Variants in ZNF516 observed in about 807,000 individuals in gnomAD.
The protein encoded by ZNF516 is zinc finger protein 516.
A neutral mutation model predicts 79.7 loss-of-function variants in ZNF516; 19 were observed. That is an observed-to-expected ratio of 0.24 (90% CI 0.17 to 0.35). The LOEUF (loss-of-function observed/expected upper bound fraction) is 0.35. ZNF516 is among the 10% of genes least tolerant of loss of function. The pLI is 1.00. For synonymous variants in ZNF516, 877 were observed against 739.5 expected (o/e 1.19, Z -3.02); for missense variants, 1,678 against 1,679.5 (o/e 1.00, Z 0.02).
At chr18:76,378,511 C>T (rs607334) in intron 4 of ZNF516, among the ~76,000 whole-genome samples, 6,395 of 152,302 alleles carry the variant, frequency 0.042, 249 homozygotes, top group African/African-American at 0.11. Flanking sequence ...AGTGCAATCA[C>T]GTCGGCCTGC....
rs914616541 is a variant in ZNF516, at chr18:76,410,416, T to C, written c.1811-30113A>G. 1.2e-4 allele frequency among the ~76,000 whole-genome samples: 19 copies of C among 152,342 alleles called. No homozygotes were observed. The East Asian group carries it at 3.7e-3, about 29-fold the overall frequency. The stretch of plus-strand genomic sequence containing the variant: ...CTTTCAGCACAAAGAAAACAGCTCC[T>C]GAGATGGGTTGATTCTGTCATTCTG... On this transcript the variant is annotated intron_variant, in intron 3 of 6. Coordinates refer to ENST00000443185, the MANE Select transcript of ZNF516 (RefSeq NM_014643.4).
intron 3 of ZNF516, among the ~76,000 whole-genome samples, chr18:76,401,616 C>T (rs1010778754): frequency 7.3e-5 from 11 of 151,636 alleles, no homozygotes; most frequent in Non-Finnish European, 1.2e-4. Context: ...CCCGCATGGG[C>T]CCCTATGTGG....
chr18:76,494,715 T>G (rs2145854140), intron 1 of ZNF516, among the ~76,000 whole-genome samples: 1 of 151,786 alleles, frequency 6.6e-6, no homozygotes, highest in South Asian at 2.1e-4. Context: ...AGCCGGAGCG[T>G]TTTACTTTAA....
chr18:76,425,338 T>C (rs535059719), intron 3 of ZNF516, among the ~76,000 whole-genome samples: 18 of 152,222 alleles, frequency 1.2e-4, no homozygotes, highest in Non-Finnish European at 2.5e-4. Context: ...AGAATGGTGA[T>C]TGGCCACGGA....
At chr18:76,403,772 CCTT>C (rs2075262907) in intron 3 of ZNF516, among the ~76,000 whole-genome samples, 1 of 152,204 alleles carries the variant, frequency 6.6e-6, no homozygotes, top group Non-Finnish European at 1.5e-5. Context: ...AAGGGCCTCA[CCTT>C]CTCCTATTGA....
At chr18:76,443,316 C>T in intron 2 of ZNF516, 105 bp from the exon 3 acceptor site, 1 of 467,460 alleles carries the variant, frequency 2.1e-6, no homozygotes, top group Non-Finnish European at 3.7e-6. Context: ...ATCCAACCCA[C>T]ATTAAGAAAA....
intron 3 of ZNF516, among the ~76,000 whole-genome samples, chr18:76,438,307 C>CATACAGGAAACACTAAGGAA (rs2075771417): frequency 6.6e-6 from 1 of 152,224 alleles, no homozygotes; most frequent in South Asian, 2.1e-4. Context: ...CCTTGCAAAG[C>CATACAGGAAACACTAAGGAA]AATATTCGTT....
chr18:76,384,477 C>T (rs1456750867), intron 3 of ZNF516, among the ~76,000 whole-genome samples: 1 of 127,484 alleles, frequency 7.8e-6, no homozygotes, highest in Non-Finnish European at 1.7e-5. Context: ...ACGACCCGCA[C>T]ACCTTTCTCC....
chr18:76,383,677 C>T (rs559413050), intron 3 of ZNF516, among the ~76,000 whole-genome samples: 89 of 152,338 alleles, frequency 5.8e-4, no homozygotes, highest in Middle Eastern at 3.4e-3. Context: ...TTCCCCGGAC[C>T]CTCTTCTGAC....
intron 1 of ZNF516, among the ~76,000 whole-genome samples, chr18:76,488,801 G>C (rs1004756777): frequency 6.6e-6 from 1 of 152,124 alleles, no homozygotes; most frequent in Non-Finnish European, 1.5e-5. Context: ...AATTTGGCCA[G>C]CTGAAAACCA....
intron 2 of ZNF516, among the ~76,000 whole-genome samples, chr18:76,455,781 G>A (rs1013996896): frequency 7.2e-5 from 11 of 152,154 alleles, no homozygotes; most frequent in East Asian, 5.8e-4. Context: ...CACGTGACAC[G>A]CTACACAGAG....
chr18:76,473,766 A>G (rs935523058), intron 1 of ZNF516, among the ~76,000 whole-genome samples: 2 of 151,506 alleles, frequency 1.3e-5, no homozygotes, highest in Non-Finnish European at 2.9e-5. Flanking sequence ...GCACCACTGC[A>G]CTCCAGCCTG....
chr18:76,488,933 A>G (rs925174355), intron 1 of ZNF516, among the ~76,000 whole-genome samples: 1 of 152,240 alleles, frequency 6.6e-6, no homozygotes, highest in Non-Finnish European at 1.5e-5. Context: ...TTTCCCCTAA[A>G]TCAAAATAGA....
At chr18:76,496,214 CG>C, upstream of ZNF516, 1 of 1,221,560 alleles carries the variant, frequency 8.2e-7, no homozygotes, top group Admixed American at 2.7e-5. Flanking sequence ...CGCCCCTTCA[CG>C]GCCGGTGACG....
intron 3 of ZNF516, among the ~76,000 whole-genome samples, chr18:76,404,548 G>A (rs1373431062): frequency 2.0e-5 from 3 of 151,998 alleles, no homozygotes; most frequent in African/African-American, 7.3e-5. Flanking sequence ...ATGTGTGAAC[G>A]TGTGCATGTG....
chr18:76,484,960 C>T (rs1404746584), intron 1 of ZNF516, among the ~76,000 whole-genome samples: 1 of 152,184 alleles, frequency 6.6e-6, no homozygotes, highest in Non-Finnish European at 1.5e-5. Context: ...ACCACTAAAC[C>T]ACTAATCGCA....
rs75858737 is a variant in ZNF516, at chr18:76,434,317, A to G, written c.1810+6928T>C. Among the ~76,000 whole-genome samples the G allele has an allele frequency of 9.0e-3, 1,371 of 152,258 alleles. 20 individuals are homozygous for G. The highest frequency in any genetic ancestry group is 0.03 in the African/African-American group (1,263 of 41,536). ...ACACAGCAACAATGACATTCACCCA[A>G]CAGGTTCGGGGCTGAAAGTCGTATC... On this transcript the variant is annotated intron_variant, in intron 3 of 6. Coordinates refer to ENST00000443185, the MANE Select transcript of ZNF516 (RefSeq NM_014643.4).
At chr18:76,492,965 C>T (rs2145847821) in intron 1 of ZNF516, 1 of 985,590 alleles carries the variant, frequency 1.0e-6, no homozygotes, top group South Asian at 4.7e-5. Flanking sequence ...GACACATGGG[C>T]TCATGCACGC....
intron 1 of ZNF516, chr18:76,492,219 C>T (rs945361083): frequency 1.0e-6 from 1 of 985,342 alleles, no homozygotes; most frequent in Non-Finnish European, 1.2e-6. Flanking sequence ...ACCGCGTCTC[C>T]AACATTTACA....
Sources: allele counts gnomAD v4.1 joint callset (sites outside exome capture counted in the v4.1 genomes callset), GRCh38; gene constraint gnomAD v4.1.1; transcripts MANE v1.5; gene names NCBI Gene and HGNC (gene_info 2026-07-23, HGNC 2026-07-21).